The following WDR7 variants were observed in gnomAD, a reference collection of about 807,000 sequenced individuals.
The protein encoded by WDR7 is WD repeat-containing protein 7.
In WDR7, 46 loss-of-function variants were observed where a neutral mutation model predicts 169.4. The observed-to-expected ratio is 0.27, with a 90% CI of 0.21 to 0.35. The LOEUF (loss-of-function observed/expected upper bound fraction) is 0.35, where lower values mean the gene tolerates loss of function less well. WDR7 is among the 10% of genes least tolerant of loss of function. WDR7 has a pLI of 1.00. For synonymous variants in WDR7, 612 were observed against 666.8 expected (o/e 0.92, Z 1.27); for missense variants, 1,534 against 1,859.3 (o/e 0.83, Z 3.22).
At chr18:56,998,027 A>G (rs566840811) in intron 26 of WDR7, among the ~76,000 whole-genome samples, 1 of 152,314 alleles carries the variant, frequency 6.6e-6, no homozygotes, top group South Asian at 2.1e-4. Flanking sequence ...CTTATCATGT[A>G]TGGCTTTCTT....
chr18:56,916,936 G>A (rs576470552), intron 21 of WDR7, among the ~76,000 whole-genome samples: 26 of 152,092 alleles, frequency 1.7e-4, no homozygotes, highest in Non-Finnish European at 3.7e-4. Context: ...GGTGGCTCAC[G>A]CCTGTAATCC....
At chr18:56,882,626 TTTC>T (rs2046125289) in intron 21 of WDR7, among the ~76,000 whole-genome samples, 1 of 152,198 alleles carries the variant, frequency 6.6e-6, no homozygotes, top group Non-Finnish European at 1.5e-5. Context: ...GAAGTGGAAA[TTTC>T]TACCCTCACA....
chr18:56,851,049 C>T (rs1309724419), intron 20 of WDR7, among the ~76,000 whole-genome samples: 2 of 152,146 alleles, frequency 1.3e-5, no homozygotes, highest in African/African-American at 4.8e-5. Flanking sequence ...TCTATTGTTG[C>T]TTATGATGTA....
At chr18:56,897,564 G>A (rs2046346883) in intron 21 of WDR7, among the ~76,000 whole-genome samples, 1 of 151,930 alleles carries the variant, frequency 6.6e-6, no homozygotes, top group African/African-American at 2.4e-5. Context: ...GCTAAGAAAG[G>A]GGGTGAATTC....
chr18:56,798,298 C>T lies in WDR7; in HGVS notation c.3190+16642C>T, dbSNP rs190859561. Among the ~76,000 whole-genome samples the T allele has an allele frequency of 2.9e-3, 444 of 152,260 alleles. 8 individuals carry two copies. The highest frequency in any genetic ancestry group is 0.027 in the Admixed American group (409 of 15,286). Reference sequence around the variant, plus strand: ...TTTCATGTGATTCTTTTGGATATAACATAACTCAGTTCACTTGACTTGATG... The same window carrying T: ...TTTCATGTGATTCTTTTGGATATAATATAACTCAGTTCACTTGACTTGATG... On this transcript the variant is annotated intron_variant, in intron 19 of 27. Coordinates refer to ENST00000254442, the MANE Select transcript of WDR7 (RefSeq NM_015285.3).
chr18:56,898,875 A>G (rs948914260), intron 21 of WDR7, among the ~76,000 whole-genome samples: 4 of 152,130 alleles, frequency 2.6e-5, no homozygotes, highest in South Asian at 2.1e-4. Flanking sequence ...TAATCATACA[A>G]TGGTTATGTA....
intron 12 of WDR7, among the ~76,000 whole-genome samples, chr18:56,714,641 T>C (rs1404501911): frequency 2.6e-5 from 4 of 152,070 alleles, no homozygotes; most frequent in African/African-American, 4.8e-5. Context: ...CTTGAACTTT[T>C]GACCTCAGGT....
At chr18:56,707,319 G>C (rs889785956) in intron 12 of WDR7, among the ~76,000 whole-genome samples, 1 of 151,854 alleles carries the variant, frequency 6.6e-6, no homozygotes, top group African/African-American at 2.4e-5. Context: ...TTGTTCCTCT[G>C]TTAGGTACTT....
chr18:56,963,018 A>G (rs2047358428), intron 26 of WDR7, among the ~76,000 whole-genome samples: 1 of 152,172 alleles, frequency 6.6e-6, no homozygotes, highest in Admixed American at 6.6e-5. Flanking sequence ...TGTACTTGAA[A>G]TACTACTTTT....
intron 12 of WDR7, among the ~76,000 whole-genome samples, chr18:56,711,243 TTTGAAGC>T (rs909106525): frequency 2.6e-5 from 4 of 152,092 alleles, no homozygotes; most frequent in African/African-American, 9.6e-5. Flanking sequence ...TTCCACATTT[TTTGAAGC>T]TTGAAATCTT....
chr18:56,668,749 T>G (rs977220272), intron 1 of WDR7, among the ~76,000 whole-genome samples: 2 of 152,228 alleles, frequency 1.3e-5, no homozygotes, highest in African/African-American at 4.8e-5. Context: ...TTGAGTTGTT[T>G]GACAAGCATA....
chr18:56,891,253 G>C (rs1202756220), intron 21 of WDR7, among the ~76,000 whole-genome samples: 1 of 152,112 alleles, frequency 6.6e-6, no homozygotes, highest in African/African-American at 2.4e-5. Context: ...TCTTTAGGTA[G>C]TTCAGCCTTT....
rs1198025261 is a variant in WDR7, at chr18:57,018,589, G to A, written c.4165-2156G>A. ...ATCCTCCAGTTTTTCAGGAGAGGCT[G>A]GAAATCTTGTTTTTACAGAAGATCT... On this transcript the variant is annotated intron_variant, in intron 26 of 27. Coordinates refer to ENST00000254442, the MANE Select transcript of WDR7 (RefSeq NM_015285.3). Among the ~76,000 whole-genome samples the A allele has an allele frequency of 3.3e-5, 5 of 152,330 alleles. No homozygotes were observed. The South Asian group carries it at 1.0e-3, about 32-fold the overall frequency.
At chr18:56,665,713 T>C (rs1215254811) in intron 1 of WDR7, among the ~76,000 whole-genome samples, 1 of 151,790 alleles carries the variant, frequency 6.6e-6, no homozygotes, top group African/African-American at 2.4e-5. Context: ...GAAAGAACAG[T>C]ATAATGCACA....
intron 26 of WDR7, chr18:57,010,303 G>A (rs906385187): frequency 1.0e-6 from 1 of 983,662 alleles, no homozygotes; most frequent in Non-Finnish European, 1.2e-6. Flanking sequence ...TTTCATATGA[G>A]CAGTGTAAAT....
At chr18:56,829,312 A>G (rs976534890) in intron 20 of WDR7, among the ~76,000 whole-genome samples, 4 of 151,874 alleles carry the variant, frequency 2.6e-5, no homozygotes, top group African/African-American at 9.7e-5. Flanking sequence ...ACACACACAC[A>G]AAATAGGACT....
chr18:56,659,785 A>G (rs921208077), intron 1 of WDR7, among the ~76,000 whole-genome samples: 1 of 152,142 alleles, frequency 6.6e-6, no homozygotes, highest in Admixed American at 6.5e-5. Flanking sequence ...AGGCAGTTGT[A>G]TGTAGAGTTG....
intron 7 of WDR7, among the ~76,000 whole-genome samples, chr18:56,687,887 C>G (rs117348723): frequency 4.6e-5 from 7 of 152,186 alleles, no homozygotes; most frequent in Non-Finnish European, 8.8e-5. Context: ...CTCAGCCCCC[C>G]AAAGTGCTGG....
chr18:56,876,223 G>A (rs80228737), intron 20 of WDR7, among the ~76,000 whole-genome samples: 8 of 152,106 alleles, frequency 5.3e-5, no homozygotes, highest in South Asian at 2.1e-4. Flanking sequence ...TTGGCATACC[G>A]AGCTTTGAGT....
Sources: gnomAD v4.1 joint callset for allele counts (sites outside exome capture counted in the v4.1 genomes callset) on GRCh38, gnomAD v4.1.1 for gene constraint, MANE v1.5 for transcripts, NCBI Gene and HGNC (gene_info 2026-07-23, HGNC 2026-07-21) for gene names.